The following ARHGAP44 variants were observed in gnomAD, a reference collection of about 807,000 sequenced individuals.
The protein encoded by ARHGAP44 is rho GTPase-activating protein 44.
A neutral mutation model predicts 106.8 loss-of-function variants in ARHGAP44; 43 were observed. The observed-to-expected ratio is 0.40, with a 90% CI of 0.32 to 0.52. ARHGAP44 has a LOEUF of 0.52. ARHGAP44 is among the 20% of genes least tolerant of loss of function. The pLI, the probability that ARHGAP44 is intolerant of heterozygous loss-of-function variation, is 0.48. For synonymous variants in ARHGAP44, 439 were observed against 410.3 expected, an observed-to-expected ratio of 1.07 and a Z score of -0.85; for missense variants, 866 against 1,050.5, an observed-to-expected ratio of 0.82 and a Z score of 2.43.
intron 3 of ARHGAP44, among the ~76,000 whole-genome samples, chr17:12,905,829 T>C (rs575579007): frequency 6.6e-6 from 1 of 152,330 alleles, no homozygotes; most frequent in Non-Finnish European, 1.5e-5. Flanking sequence ...ATGGTCTTTT[T>C]ATGTGAGCTC....
chr17:12,857,181 G>A (rs1022218818), intron 1 of ARHGAP44, among the ~76,000 whole-genome samples: 1 of 152,168 alleles, frequency 6.6e-6, no homozygotes, highest in Non-Finnish European at 1.5e-5. Flanking sequence ...TCATGTGCAA[G>A]GATCTGGTTA....
intron 18 of ARHGAP44, among the ~76,000 whole-genome samples, chr17:12,976,387 C>A (rs542165564): frequency 6.6e-6 from 1 of 151,892 alleles, no homozygotes; most frequent in Admixed American, 6.6e-5. Flanking sequence ...CTGAGGCGGG[C>A]GGATCACCTG....
intron 8 of ARHGAP44, among the ~76,000 whole-genome samples, chr17:12,942,886 A>G (rs1252558805): frequency 1.3e-5 from 2 of 152,180 alleles, no homozygotes; most frequent in African/African-American, 4.8e-5. Flanking sequence ...TGTTCTTTGG[A>G]CTGCATCATT....
chr17:12,827,701 A>G (rs976791239), intron 1 of ARHGAP44, among the ~76,000 whole-genome samples: 1 of 152,158 alleles, frequency 6.6e-6, no homozygotes, highest in African/African-American at 2.4e-5. Context: ...ATTATGAATG[A>G]TATACAGTTA....
At chr17:12,858,940 C>T (rs957077145) in intron 1 of ARHGAP44, among the ~76,000 whole-genome samples, 2 of 152,156 alleles carry the variant, frequency 1.3e-5, no homozygotes, top group Non-Finnish European at 2.9e-5. Context: ...TATAAACCAT[C>T]AGATCTCATG....
intron 4 of ARHGAP44, 31 bp from the exon 5 acceptor site, chr17:12,915,869 A>C (rs763274342): frequency 6.3e-7 from 1 of 1,579,468 alleles, no homozygotes; most frequent in South Asian, 1.1e-5. Context: ...CTTCAAGAGT[A>C]TTCACTATTT....
At chr17:12,864,845 T>TA (rs1486459410) in intron 1 of ARHGAP44, among the ~76,000 whole-genome samples, 15 of 152,168 alleles carry the variant, frequency 9.9e-5, no homozygotes, top group Non-Finnish European at 1.5e-5. Flanking sequence ...TCAGATGTGC[T>TA]AAAAGAAGAT....
At chr17:12,792,833 C>T (rs114927664) in intron 1 of ARHGAP44, among the ~76,000 whole-genome samples, 1 of 152,166 alleles carries the variant, frequency 6.6e-6, no homozygotes. Flanking sequence ...CTAGTACTTT[C>T]TCTCGAAGTG....
At chr17:12,934,571 G>A (rs528349488) in intron 7 of ARHGAP44, among the ~76,000 whole-genome samples, 23 of 152,174 alleles carry the variant, frequency 1.5e-4, no homozygotes, top group Admixed American at 4.6e-4. Context: ...ACGAGCAAGC[G>A]TGGCCACACC....
intron 1 of ARHGAP44, among the ~76,000 whole-genome samples, chr17:12,844,088 A>G (rs1245785112): frequency 6.6e-6 from 1 of 152,210 alleles, no homozygotes; most frequent in Non-Finnish European, 1.5e-5. Context: ...TGCTCTGTGC[A>G]TGCATAGTTC....
chr17:12,989,175 G>A (rs957276534), intron 20 of ARHGAP44, among the ~76,000 whole-genome samples: 1 of 151,390 alleles, frequency 6.6e-6, no homozygotes, highest in Admixed American at 6.6e-5. Flanking sequence ...AGGACCCAGG[G>A]GATCTGTGGT....
At chr17:12,801,920 A>G (rs1266007241) in intron 1 of ARHGAP44, among the ~76,000 whole-genome samples, 1 of 152,192 alleles carries the variant, frequency 6.6e-6, no homozygotes. Flanking sequence ...CAGGGCTCAA[A>G]GTAGACAACT....
intron 1 of ARHGAP44, among the ~76,000 whole-genome samples, chr17:12,791,407 G>A (rs1028015306): frequency 1.3e-5 from 2 of 152,118 alleles, no homozygotes; most frequent in Non-Finnish European, 2.9e-5. Context: ...TTAATGTCTT[G>A]GCTTCTTCGT....
At chr17:12,802,950 TATATATATATATATATA>T (rs1186408999) in intron 1 of ARHGAP44, among the ~76,000 whole-genome samples, 426 of 30,876 alleles carry the variant, frequency 0.014, 21 homozygotes, top group African/African-American at 0.023. Context: ...TATATATATA[TATATATATATATATATA>T]TATTTTTTTT....
chr17:12,987,276 G>C, intron 20 of ARHGAP44: 1 of 800,662 alleles, frequency 1.2e-6, no homozygotes, highest in Non-Finnish European at 1.9e-6. Flanking sequence ...TCACTCTCCA[G>C]CCTTCCCCGG....
rs1598157121 is a variant in ARHGAP44, at chr17:12,980,074, G to A, written c.1780G>A (p.Glu594Lys). 1 of 1,606,412 alleles carries A rather than the reference G, an allele frequency of 6.2e-7. No individual in the cohort carries two copies. Among genetic ancestry groups the A allele is most frequent in the African/African-American group, 1.3e-5 (1 of 74,500 alleles). The change falls in exon 19 of 21, where the codon GAA becomes AAA. Residue 594 changes from glutamate (E) to lysine (K), a missense_variant. Glu to Lys is a moderately conservative substitution (Grantham distance 56). Coordinates refer to ENST00000379672, the MANE Select transcript of ARHGAP44 (RefSeq NM_014859.6). The part of the protein sequence containing the change: ...PERTSTTKSK[E>K]LSPGSAQKGS... ...TCGTTTCAGCACAACAAAAAGCAAG[G>A]AACTTTCTCCAGGCTCTGCACAGAA...
chr17:12,800,209 T>C (rs934020482), intron 1 of ARHGAP44, among the ~76,000 whole-genome samples: 6 of 152,244 alleles, frequency 3.9e-5, no homozygotes, highest in Non-Finnish European at 1.5e-5. Context: ...AAATTACAAC[T>C]TGAAATTGAT....
chr17:12,888,448 A>G (rs900292715), intron 1 of ARHGAP44, among the ~76,000 whole-genome samples: 4 of 152,188 alleles, frequency 2.6e-5, no homozygotes, highest in Non-Finnish European at 5.9e-5. Flanking sequence ...GTCACGGAAC[A>G]AACTGCATAT....
intron 1 of ARHGAP44, among the ~76,000 whole-genome samples, chr17:12,795,590 T>C (rs1044765602): frequency 6.6e-6 from 1 of 151,950 alleles, no homozygotes; most frequent in South Asian, 2.1e-4. Flanking sequence ...AGTGGATCAG[T>C]AGCCATACAA....
Sources: gnomAD v4.1 joint callset for allele counts (sites outside exome capture counted in the v4.1 genomes callset) on GRCh38, gnomAD v4.1.1 for gene constraint, MANE v1.5 for transcripts, NCBI Gene and HGNC (gene_info 2026-07-23, HGNC 2026-07-21) for gene names.